IDO1: variants seen among roughly 807,000 people sequenced by gnomAD.
The protein encoded by IDO1 is indoleamine 2,3-dioxygenase 1, also known as indolamine 2,3 dioxygenase.
In IDO1, 35 loss-of-function variants were observed where a neutral mutation model predicts 38.8. That is an observed-to-expected ratio of 0.90 (90% CI 0.69 to 1.20). The LOEUF is 1.20. IDO1 is among the 50% of genes most tolerant of loss of function. The pLI is 0.00. For missense variants in IDO1, 509 were observed against 485.1 expected (o/e 1.05, Z -0.46); for synonymous variants, 171 against 170.0 (o/e 1.01, Z -0.05).
Position 39,928,033 on chromosome 8 carries a change from A to C in IDO1, c.1060A>C (p.Ile354Leu), listed in dbSNP as rs1367060612. ...CCATCTGCAAATCGTGACTAAGTAC[A>C]TCCTGATTCCTGCAAGCCAGCAGCC... Reference protein sequence around the residue: ...SYHLQIVTKYILIPASQQPKE... With the variant: ...SYHLQIVTKYLLIPASQQPKE... Residue 354 changes from isoleucine to leucine, a missense_variant, in exon 10 of 10, where the codon ATC becomes CTC. Physicochemically the swap from Ile to Leu is conservative, Grantham distance 5 (BLOSUM62 2). Coordinates refer to ENST00000518237, the MANE Select transcript of IDO1 (RefSeq NM_002164.6). The C allele has an allele frequency of 1.2e-6, 2 of 1,608,320 alleles. No individual in the cohort carries two copies. The highest frequency in any genetic ancestry group is 3.4e-5 in the Admixed American group (2 of 58,864).
chr8:39,921,877 A>G (rs968183960), intron 5 of IDO1, among the ~76,000 whole-genome samples: 3 of 152,238 alleles, frequency 2.0e-5, no homozygotes, highest in Non-Finnish European at 4.4e-5. Flanking sequence ...ATAATTATTT[A>G]AACAAAAGAC....
rs572051075 is a variant in IDO1, at chr8:39,924,614, C to T, written c.656-107C>T. The T allele has an allele frequency of 6.0e-5, 45 of 744,046 alleles. No homozygotes were observed. In the African/African-American group the frequency reaches 7.1e-4, roughly 12 times the overall value. The allele number at this position is 744,046 out of a possible 1,614,324, so 46.1% of individuals were successfully genotyped here. ...TGTTTAGCATAGACTGACCTAATGC[C>T]TTTTCCTGCAGCCTGTGCCAAAATC... On this transcript the variant is annotated intron_variant, in intron 7 of 9. Coordinates refer to ENST00000518237, the MANE Select transcript of IDO1 (RefSeq NM_002164.6).
At chr8:39,927,771 C>A in intron 9 of IDO1, 59 bp from the exon 10 acceptor site, 1 of 1,122,580 alleles carries the variant, frequency 8.9e-7, no homozygotes, top group Non-Finnish European at 1.2e-6. Context: ...CTCTGCCTTT[C>A]TCTCCTGGAT....
Position 39,922,535 on chromosome 8 carries a change from TTA to T in IDO1, c.438-15_438-14del. On this transcript the variant is annotated splice_polypyrimidine_tract_variant and intron_variant, in intron 5 of 9. Coordinates refer to ENST00000518237, the MANE Select transcript of IDO1 (RefSeq NM_002164.6). Reference sequence around the variant, plus strand: ...ATTTTTGCTAAACTTCTTGCCTTCCTTATCCAATTTCCTCAGGAACATGGACG... The same window carrying T: ...ATTTTTGCTAAACTTCTTGCCTTCCTTCCAATTTCCTCAGGAACATGGACG... The T allele has an allele frequency of 6.4e-7, 1 of 1,565,204 alleles. No individual in the cohort carries two copies. Among genetic ancestry groups the T allele is most frequent in the Non-Finnish European group, 8.8e-7 (1 of 1,135,990 alleles).
chr8:39,916,805 A>C (rs1015718725), intron 1 of IDO1, among the ~76,000 whole-genome samples: 1 of 152,214 alleles, frequency 6.6e-6, no homozygotes, highest in East Asian at 1.9e-4. Context: ...CATATTACTG[A>C]TTAAATTTTA....
chr8:39,919,048 G>C (rs1397596148), intron 4 of IDO1, 115 bp downstream of exon 4: 3 of 769,166 alleles, frequency 3.9e-6, no homozygotes, highest in Non-Finnish European at 7.2e-6. Flanking sequence ...GCTGGGTATG[G>C]TTCCTCTCAG....
At chr8:39,922,302 C>A (rs1170801245) in intron 5 of IDO1, among the ~76,000 whole-genome samples, 1 of 152,092 alleles carries the variant, frequency 6.6e-6, no homozygotes, top group African/African-American at 2.4e-5. Flanking sequence ...CTACCATGCC[C>A]GGCCCTAGTT....
intron 6 of IDO1, 143 bp from the exon 7 acceptor site, chr8:39,923,326 C>T: frequency 1.9e-6 from 1 of 513,330 alleles, no homozygotes; most frequent in South Asian, 2.1e-5. Flanking sequence ...ATGGCGTGAA[C>T]CCGGGAGGCA....
intron 3 of IDO1, 184 bp downstream of exon 3, chr8:39,918,391 A>G (rs2129592165): frequency 3.4e-6 from 2 of 588,432 alleles, no homozygotes; most frequent in Non-Finnish European, 5.9e-6. Flanking sequence ...TTATATTTTT[A>G]GTCTTTTACT....
intron 1 of IDO1, among the ~76,000 whole-genome samples, chr8:39,914,465 C>A (rs149238562): frequency 4.3e-4 from 65 of 152,238 alleles, no homozygotes; most frequent in African/African-American, 1.5e-3. Context: ...TATGAGATTG[C>A]ACATCAAGCA....
At chr8:39,923,418 A>G (rs558795385) in intron 6 of IDO1, 51 bp from the exon 7 acceptor site, 119 of 1,120,252 alleles carry the variant, frequency 1.1e-4, no homozygotes, top group Middle Eastern at 2.0e-4. Flanking sequence ...AAAAAAAAAA[A>G]AAAGAAAGAA....
At chr8:39,925,926 G>A (rs544559784) in intron 9 of IDO1, among the ~76,000 whole-genome samples, 2 of 152,100 alleles carry the variant, frequency 1.3e-5, no homozygotes, top group South Asian at 2.1e-4. Context: ...AGTCGCTCAC[G>A]CCTGTAATCC....
intron 1 of IDO1, among the ~76,000 whole-genome samples, chr8:39,915,122 T>C (rs1276228714): frequency 6.6e-6 from 1 of 152,182 alleles, no homozygotes; most frequent in Admixed American, 6.5e-5. Context: ...GCATGCAGAA[T>C]GTAATTATCA....
intron 9 of IDO1, among the ~76,000 whole-genome samples, chr8:39,925,861 G>C (rs1257122155): frequency 6.6e-6 from 1 of 151,762 alleles, no homozygotes; most frequent in East Asian, 1.9e-4. Flanking sequence ...TCCAGCCTGG[G>C]CAAAAGAGCA....
chr8:39,925,665 CCT>C (rs1807348656), intron 9 of IDO1, among the ~76,000 whole-genome samples: 2 of 152,042 alleles, frequency 1.3e-5, no homozygotes, highest in Admixed American at 1.3e-4. Context: ...AGGTGGATCA[CCT>C]GAGGTCAGGA....
At chr8:39,917,804 C>G in intron 1 of IDO1, 71 bp from the exon 2 acceptor site, 2 of 947,718 alleles carry the variant, frequency 2.1e-6, no homozygotes, top group Non-Finnish European at 3.3e-6. Flanking sequence ...GAAGGCAAGG[C>G]ATACTATCAG....
intron 2 of IDO1, 39 bp from the exon 3 acceptor site, chr8:39,918,049 C>T: frequency 6.2e-7 from 1 of 1,613,114 alleles, no homozygotes; most frequent in Non-Finnish European, 8.5e-7. Context: ...TAAAACATTA[C>T]TGAGATTGAT....
At chr8:39,917,221 C>T (rs911697675) in intron 1 of IDO1, among the ~76,000 whole-genome samples, 11 of 152,254 alleles carry the variant, frequency 7.2e-5, no homozygotes, top group East Asian at 1.9e-4. Flanking sequence ...GTAGGCCAGG[C>T]GCAGTGGCTC....
At chr8:39,916,107 A>G (rs998585259) in intron 1 of IDO1, among the ~76,000 whole-genome samples, 3 of 152,120 alleles carry the variant, frequency 2.0e-5, no homozygotes, top group Admixed American at 6.5e-5. Flanking sequence ...CGGAGGTTGC[A>G]GTGAGCTGAG....
Sources: gnomAD v4.1 joint callset for allele counts (sites outside exome capture counted in the v4.1 genomes callset) on GRCh38, gnomAD v4.1.1 for gene constraint, MANE v1.5 for transcripts, NCBI Gene and HGNC (gene_info 2026-07-23, HGNC 2026-07-21) for gene names.